LPP: variants seen among roughly 807,000 people sequenced by gnomAD.
LPP encodes the protein LIM domain containing preferred translocation partner in lipoma.
A neutral mutation model predicts 60.4 loss-of-function variants in LPP; 38 were observed. That is an observed-to-expected ratio of 0.63 (90% CI 0.49 to 0.83). LPP has a LOEUF of 0.83. Among genes scored for constraint, LPP ranks in the 40% least tolerant of loss-of-function variants. LPP has a pLI of 0.00. For missense variants in LPP, 902 were observed against 783.6 expected, an observed-to-expected ratio of 1.15 and a Z score of -1.80; for synonymous variants, 328 against 290.8, an observed-to-expected ratio of 1.13 and a Z score of -1.30.
chr3:188,339,171 A>G (rs1762419606), intron 2 of LPP, among the ~76,000 whole-genome samples: 1 of 152,222 alleles, frequency 6.6e-6, no homozygotes, highest in African/African-American at 2.4e-5. Flanking sequence ...AGTTAGTTAT[A>G]AAATACACAG....
intron 9 of LPP, among the ~76,000 whole-genome samples, chr3:188,778,432 CTT>C (rs951884266): frequency 6.6e-6 from 1 of 152,106 alleles, no homozygotes; most frequent in African/African-American, 2.4e-5. Flanking sequence ...AAAATAGGGT[CTT>C]TTCTCTCATA....
chr3:188,260,923 T>C (rs1484540989), intron 2 of LPP, among the ~76,000 whole-genome samples: 1 of 151,934 alleles, frequency 6.6e-6, no homozygotes, highest in African/African-American at 2.4e-5. Context: ...TAGTCCCAGC[T>C]ACTCAGGAGG....
At chr3:188,422,318 A>G (rs559167297) in intron 4 of LPP, among the ~76,000 whole-genome samples, 13 of 152,228 alleles carry the variant, frequency 8.5e-5, no homozygotes, top group African/African-American at 3.1e-4. Context: ...AATACTATAA[A>G]TAGTCTGTTT....
intron 6 of LPP, among the ~76,000 whole-genome samples, chr3:188,574,617 C>T (rs1259962908): frequency 6.6e-6 from 1 of 152,136 alleles, no homozygotes; most frequent in Non-Finnish European, 1.5e-5. Context: ...AACTTTGTTT[C>T]TCACTGCTTT....
At chr3:188,298,382 C>A (rs1349483089) in intron 2 of LPP, among the ~76,000 whole-genome samples, 1 of 152,158 alleles carries the variant, frequency 6.6e-6, no homozygotes, top group Non-Finnish European at 1.5e-5. Context: ...GGGCACTAGC[C>A]TGGCTACCCC....
In LPP at chr3:188,874,525, A is replaced by G. The variant is rs1769018650; in HGVS notation, c.*46A>G. The G allele has an allele frequency of 6.3e-7, 1 of 1,595,776 alleles. No individual in the cohort carries two copies. The highest frequency in any genetic ancestry group is 1.3e-5 in the African/African-American group (1 of 74,620). On this transcript the variant is annotated 3_prime_UTR_variant, in exon 12 of 12. Transcript: ENST00000617246. ...GGCACTGAGAAGAACGAACACAAGAAAAAGATAAGAAATACTAGAGTAAAG... is the reference window on the plus strand; with the variant it reads ...GGCACTGAGAAGAACGAACACAAGAGAAAGATAAGAAATACTAGAGTAAAG...
intron 7 of LPP, among the ~76,000 whole-genome samples, chr3:188,649,231 C>T (rs530730856): frequency 2.2e-4 from 34 of 152,058 alleles, no homozygotes; most frequent in Non-Finnish European, 3.4e-4. Context: ...TTTAAGTTTC[C>T]AGTATGTCAT....
chr3:188,470,315 C>T (rs1013395648), intron 4 of LPP, among the ~76,000 whole-genome samples: 2 of 134,284 alleles, frequency 1.5e-5, no homozygotes, highest in African/African-American at 5.2e-5. Flanking sequence ...CACACACACA[C>T]ACACGCACAC....
chr3:188,359,639 A>T (rs185284096), intron 3 of LPP, among the ~76,000 whole-genome samples: 97 of 152,310 alleles, frequency 6.4e-4, no homozygotes, highest in African/African-American at 2.3e-3. Context: ...CAGTGGAGTC[A>T]GGATTATTAA....
chr3:188,390,221 C>T (rs1409410307), intron 3 of LPP, among the ~76,000 whole-genome samples: 1 of 152,142 alleles, frequency 6.6e-6, no homozygotes, highest in African/African-American at 2.4e-5. Flanking sequence ...ACAATTATGA[C>T]AGAGCCGAGC....
At chr3:188,240,309 T>A (rs141226007) in intron 2 of LPP, 1 of 167,518 alleles carries the variant, frequency 6.0e-6, no homozygotes, top group East Asian at 1.2e-4. Flanking sequence ...AACAAGGTTG[T>A]TGACTGCATA....
chr3:188,341,816 A>G (rs928273004), intron 3 of LPP, 97 bp downstream of exon 3: 21 of 350,638 alleles, frequency 6.0e-5, no homozygotes, highest in African/African-American at 4.5e-4. Context: ...TAGAAGAAAT[A>G]CAAAGTACTT....
chr3:188,520,739 G>C (rs1375138024), intron 5 of LPP, among the ~76,000 whole-genome samples: 1 of 152,178 alleles, frequency 6.6e-6, no homozygotes, highest in African/African-American at 2.4e-5. Context: ...AATCTCTCTA[G>C]TGATGGTTAA....
intron 9 of LPP, among the ~76,000 whole-genome samples, chr3:188,803,379 T>C (rs1469974275): frequency 6.6e-6 from 1 of 152,196 alleles, no homozygotes; most frequent in Admixed American, 6.5e-5. Flanking sequence ...GTTATGTTCA[T>C]GAGGTTCTTC....
At chr3:188,800,080 G>C (rs2151135730) in intron 9 of LPP, among the ~76,000 whole-genome samples, 1 of 151,714 alleles carries the variant, frequency 6.6e-6, no homozygotes, top group East Asian at 1.9e-4. Context: ...TAATGTATAT[G>C]GGTCTAAGTA....
chr3:188,780,683 G>A (rs1739342648), intron 9 of LPP, among the ~76,000 whole-genome samples: 1 of 151,978 alleles, frequency 6.6e-6, no homozygotes, highest in African/African-American at 2.4e-5. Context: ...CTACCTTCCT[G>A]ACCTCAAGAC....
At chr3:188,613,277 T>TATC (rs1294636256) in intron 7 of LPP, among the ~76,000 whole-genome samples, 1 of 139,768 alleles carries the variant, frequency 7.2e-6, no homozygotes, top group Admixed American at 7.2e-5. Context: ...TCTATATCTA[T>TATC]ATCTATATCT....
intron 9 of LPP, among the ~76,000 whole-genome samples, chr3:188,857,844 G>A (rs1237009153): frequency 6.6e-6 from 1 of 152,060 alleles, no homozygotes; most frequent in Non-Finnish European, 1.5e-5. Context: ...ATAGAAATAC[G>A]GTGCTTCAGT....
At chr3:188,874,247 G>A (rs1768949093) in intron 11 of LPP, 104 bp from the exon 12 acceptor site, 9 of 1,037,132 alleles carry the variant, frequency 8.7e-6, no homozygotes, top group African/African-American at 1.6e-5. Flanking sequence ...ATAGTAAGTG[G>A]CCACATTATG....
Sources: gnomAD v4.1 joint callset for allele counts (sites outside exome capture counted in the v4.1 genomes callset) on GRCh38, gnomAD v4.1.1 for gene constraint, MANE v1.5 for transcripts, NCBI Gene and HGNC (gene_info 2026-07-23, HGNC 2026-07-21) for gene names.